The following E4F1 variants were observed in gnomAD, a reference collection of about 807,000 sequenced individuals.
E4F1 encodes the protein transcription factor E4F1.
A neutral mutation model predicts 72.9 loss-of-function variants in E4F1; 30 were observed. The observed-to-expected ratio is 0.41, with a 90% CI of 0.31 to 0.56. The LOEUF is 0.56. Among genes scored for constraint, E4F1 ranks in the 20% least tolerant of loss-of-function variants. E4F1 has a pLI of 0.25. For synonymous variants in E4F1, 542 were observed against 478.2 expected, an observed-to-expected ratio of 1.13 and a Z score of -1.74; for missense variants, 1,091 against 1,117.5, an observed-to-expected ratio of 0.98 and a Z score of 0.34.
In E4F1 at chr16:2,223,732, G is replaced by A. The variant is rs1324642217; in HGVS notation, c.119G>A (p.Ser40Asn). The A allele has an allele frequency of 6.5e-7, 1 of 1,543,118 alleles. No individual in the cohort carries two copies. The highest frequency in any genetic ancestry group is 8.6e-7 in the Non-Finnish European group (1 of 1,156,176). Residue 40 changes from serine (S) to asparagine (N), a missense_variant, in exon 1 of 14, where the codon AGC becomes AAC. Coordinates refer to ENST00000301727, the MANE Select transcript of E4F1 (RefSeq NM_004424.5). ...GCGGTGGCGGCGGCCTTGGCCCCCA[G>A]CGGCTTCCTCGGCCTCCCGGCGCCC... is the stretch of plus-strand genomic sequence containing the variant. ...VAAVAAALAPSGFLGLPAPFS... is the reference protein window; with the variant it reads ...VAAVAAALAPNGFLGLPAPFS...
chr16:2,229,777 G>GCC, intron 3 of E4F1, 102 bp downstream of exon 3: 2 of 1,341,496 alleles, frequency 1.5e-6, no homozygotes, highest in Non-Finnish European at 2.1e-6. Context: ...CGAGACCAGG[G>GCC]CCTGGCTGGG....
Position 2,233,197 on chromosome 16 carries a change from G to C in E4F1, c.1056+14G>C. The C allele has an allele frequency of 6.3e-7, 1 of 1,590,034 alleles. No individual in the cohort carries two copies. The highest frequency in any genetic ancestry group is 8.6e-7 in the Non-Finnish European group (1 of 1,165,546). ...CTGGCCCCAGAGGTGGGGGCGACGGGGGGCCCCGGAGGGCTGCTCTGTCTT... is the reference window on the plus strand; with the variant it reads ...CTGGCCCCAGAGGTGGGGGCGACGGCGGGCCCCGGAGGGCTGCTCTGTCTT... On this transcript the variant is annotated intron_variant, in intron 7 of 13. Transcript: ENST00000301727.
chr16:2,232,727 G>C, intron 5 of E4F1, 29 bp from the exon 6 acceptor site: 1 of 1,612,032 alleles, frequency 6.2e-7, no homozygotes, highest in Non-Finnish European at 8.5e-7. Flanking sequence ...TGCTGGGGCT[G>C]CCCGGGGCTG....
At chr16:2,224,442 G>A (rs979348426) in intron 1 of E4F1, among the ~76,000 whole-genome samples, 1 of 152,240 alleles carries the variant, frequency 6.6e-6, no homozygotes, top group Non-Finnish European at 1.5e-5. Flanking sequence ...ACAGGTGGAT[G>A]TTATTGTTAT....
In E4F1 at chr16:2,233,913, G is replaced by C; in HGVS notation, c.1298G>C (p.Arg433Thr). ...GCCAGCGAGGCCTCAGCGGTGCCCA[G>C]GACCCACCCATGTCCTCAGTGCAGT... ...QVASEASAVP[R>T]THPCPQCSET... The change falls in exon 9 of 14, where the codon AGG (arginine) becomes ACG (threonine). Residue 433 changes from arginine to threonine, a missense_variant. Physicochemically the swap from Arg to Thr is moderately conservative, Grantham distance 71 (BLOSUM62 -1). Coordinates refer to ENST00000301727, the MANE Select transcript of E4F1 (RefSeq NM_004424.5). The C allele has an allele frequency of 6.2e-7, 1 of 1,602,550 alleles. No individual in the cohort carries two copies. Among genetic ancestry groups the C allele is most frequent in the Non-Finnish European group, 8.5e-7 (1 of 1,175,114 alleles).
rs1332570293 is a variant in E4F1 at position 2,233,645 on chromosome 16, A to T, written c.1264A>T (p.Thr422Ser). 6.6e-7 allele frequency: 1 copy of T among 1,523,704 alleles called. No individual in the cohort carries two copies. Among genetic ancestry groups the T allele is most frequent in the Non-Finnish European group, 8.8e-7 (1 of 1,135,756 alleles). The allele number at this position is 1,523,704 out of a possible 1,614,324, so 94.4% of individuals were successfully genotyped here. Residue 422 changes from threonine (T) to serine (S), a missense_variant and splice_region_variant, in exon 8 of 14, where the codon ACA becomes TCA. Thr to Ser is a moderately conservative substitution (Grantham distance 58). This residue lies in a region of E4F1 where 622 missense variants were observed against 628.0 expected (regional missense o/e 0.99). Transcript: ENST00000301727. Reference sequence around the variant, plus strand: ...GGTACTGGAAGTGCAGCCGCTGGAGACAGTAGGTGCCAGCACCACCTGCGG... The same window carrying T: ...GGTACTGGAAGTGCAGCCGCTGGAGTCAGTAGGTGCCAGCACCACCTGCGG... ...LPVLEVQPLE[T>S]QVASEASAVP...
chr16:2,234,967 C>T lies in E4F1; in HGVS notation c.1901C>T (p.Ser634Phe). 3 of 1,602,322 alleles carry T rather than the reference C, an allele frequency of 1.9e-6. No homozygotes were observed. Residue 634 changes from serine (S) to phenylalanine (F), a missense_variant, in exon 12 of 14, where the codon TCC becomes TTC. Physicochemically the swap from Ser to Phe is radical, Grantham distance 155. Coordinates refer to ENST00000301727, the MANE Select transcript of E4F1 (RefSeq NM_004424.5). ...DPHTVLVEFS[S>F]VVADTQEYII... ...CACACAGTGTTGGTGGAGTTCTCGTCCGTGGTAGCTGACACCCAGGAGTAT... is the reference window on the plus strand; with the variant it reads ...CACACAGTGTTGGTGGAGTTCTCGTTCGTGGTAGCTGACACCCAGGAGTAT...
chr16:2,235,270 G>A lies in E4F1; in HGVS notation c.2053G>A (p.Gly685Ser), dbSNP rs529907238. Residue 685 changes from glycine to serine, a missense_variant, in exon 14 of 14, where the codon GGC becomes AGC. By Grantham distance (56) the Gly-to-Ser change is moderately conservative. Around this residue, in one of 5 missense-constraint regions of E4F1, gnomAD observed 622 missense variants for 628.0 expected, o/e 0.99. Transcript: ENST00000301727. ...VQQIVHQASAGHQIIVQNVTM... is the reference protein window; with the variant it reads ...VQQIVHQASASHQIIVQNVTM... ...GCAGATCGTGCACCAGGCTAGCGCC[G>A]GCCACCAGATCATCGTGCAGAACGT... 1.4e-4 allele frequency: 218 copies of A among 1,611,208 alleles called. 1 individual carries two copies. In the Admixed American group the frequency reaches 2.9e-3, roughly 22 times the overall value.
intron 2 of E4F1, among the ~76,000 whole-genome samples, chr16:2,228,794 G>A (rs2093448213): frequency 6.6e-6 from 1 of 152,200 alleles, no homozygotes; most frequent in Admixed American, 6.5e-5. Flanking sequence ...TCTTGGAGCT[G>A]GAGGGTCTCC....
chr16:2,233,864 C>A lies in E4F1; in HGVS notation c.1267-18C>A. On this transcript the variant is annotated intron_variant, in intron 8 of 13. Coordinates refer to ENST00000301727, the MANE Select transcript of E4F1 (RefSeq NM_004424.5). ...ACAGCCTGCCCCGGGTGCTGGAGAC[C>A]TTCCTGTGGTTCCCCAGCAGGTGGC... The A allele has an allele frequency of 1.3e-6, 2 of 1,568,176 alleles. No homozygotes were observed. The highest frequency in any genetic ancestry group is 1.2e-5 in the South Asian group (1 of 85,480).
chr16:2,227,384 T>A (rs2141439895), intron 1 of E4F1, among the ~76,000 whole-genome samples: 1 of 151,996 alleles, frequency 6.6e-6, no homozygotes, highest in East Asian at 1.9e-4. Flanking sequence ...TAATATTGTT[T>A]TTTTTGAAAC....
intron 1 of E4F1, 94 bp from the exon 2 acceptor site, chr16:2,228,278 G>A: frequency 2.6e-6 from 4 of 1,528,758 alleles, no homozygotes; most frequent in Non-Finnish European, 3.6e-6. Flanking sequence ...GCCTCCTGGG[G>A]GAATCTGTTC....
rs368408185 is a variant in E4F1 at position 2,228,379 on chromosome 16, C to T, written c.165C>T (p.Asp55=). The change falls in exon 2 of 14, where the codon GAC becomes GAT. Residue 55 remains aspartate (D), a synonymous_variant. Transcript: ENST00000301727. ...LPAPFSEEDE[D]DVHRCGRCQA... ...ACAGCAGGCTCGTTGCAGATGAGGA[C>T]GATGTGCACAGATGCGGCCGCTGCC... The T allele has an allele frequency of 1.5e-5, 25 of 1,613,664 alleles. No individual in the cohort carries two copies. The Admixed American group carries it at 1.8e-4, about 12-fold the overall frequency.
chr16:2,233,744 G>A, intron 8 of E4F1, 97 bp downstream of exon 8: 1 of 1,445,976 alleles, frequency 6.9e-7, no homozygotes, highest in Non-Finnish European at 9.3e-7. Flanking sequence ...TTTCTGCAGT[G>A]ACTTTGTCCA....
In E4F1 at chr16:2,229,560, C is replaced by T. The variant is rs113976652; in HGVS notation, c.310-10C>T. ...CAGACGACTCCCCTGTTTTCTTCCC[C>T]CTTTGGCAGGTGGTGCCGGCAGCAC... On this transcript the variant is annotated splice_polypyrimidine_tract_variant and intron_variant, in intron 2 of 13. Coordinates refer to ENST00000301727, the MANE Select transcript of E4F1 (RefSeq NM_004424.5). The T allele has an allele frequency of 1.2e-5, 19 of 1,608,514 alleles. No homozygotes were observed. In the African/African-American group the frequency reaches 1.2e-4, roughly 10 times the overall value.
rs936520405 is a variant in E4F1, at chr16:2,234,847, C to T, written c.1793-12C>T. On this transcript the variant is annotated splice_polypyrimidine_tract_variant and intron_variant, in intron 11 of 13. Transcript: ENST00000301727. ...GGGGCTTGCCTAGCCCTGACCGAGT[C>T]CCCACCCACAGGGGGCTGCCTGCTG... The T allele has an allele frequency of 1.9e-6, 3 of 1,548,716 alleles. No homozygotes were observed. The highest frequency in any genetic ancestry group is 2.6e-6 in the Non-Finnish European group (3 of 1,146,694).
At chr16:2,234,035 T>C in intron 9 of E4F1, 45 bp downstream of exon 9, 1 of 1,543,828 alleles carries the variant, frequency 6.5e-7, no homozygotes, top group Non-Finnish European at 8.8e-7. Flanking sequence ...GGATGGGCTA[T>C]AGGTGGCCGG....
intron 1 of E4F1, among the ~76,000 whole-genome samples, chr16:2,228,017 C>T (rs1212601211): frequency 6.6e-6 from 1 of 152,106 alleles, no homozygotes. Context: ...ATGGAGGAGT[C>T]CCTCTGCCTC....
Position 2,235,542 on chromosome 16 carries a change from C to T in E4F1, c.2325C>T (p.Gly775=). The T allele has an allele frequency of 6.2e-7, 1 of 1,602,260 alleles. No homozygotes were observed. Among genetic ancestry groups the T allele is most frequent in the Non-Finnish European group, 8.5e-7 (1 of 1,172,854 alleles). The change falls in exon 14 of 14, where the codon GGC becomes GGT. Residue 775 remains glycine (G), a synonymous_variant. Coordinates refer to ENST00000301727, the MANE Select transcript of E4F1 (RefSeq NM_004424.5). ...AGELVIASPE[G]QLEVQTVIV ...AGCTGGTCATCGCCTCGCCGGAGGGCCAGCTGGAGGTGCAGACGGTCATCG... is the reference window on the plus strand; with the variant it reads ...AGCTGGTCATCGCCTCGCCGGAGGGTCAGCTGGAGGTGCAGACGGTCATCG...
Sources: allele counts gnomAD v4.1 joint callset (sites outside exome capture counted in the v4.1 genomes callset), GRCh38; gene constraint gnomAD v4.1.1; regional missense constraint gnomAD v4.1.1; transcripts MANE v1.5; gene names NCBI Gene and HGNC (gene_info 2026-07-23, HGNC 2026-07-21).